Variants in ENPP3 observed in about 807,000 individuals in gnomAD.
ENPP3 encodes ectonucleotide pyrophosphatase/phosphodiesterase family member 3.
Under a neutral mutation model 117.8 loss-of-function variants are expected in ENPP3, and 104 were observed. That is an observed-to-expected ratio of 0.88 (90% CI 0.75 to 1.04). ENPP3 has a LOEUF of 1.04. ENPP3 is among the 50% of genes least tolerant of loss of function. The pLI is 0.00. For missense variants in ENPP3, 1,026 were observed against 1,051.9 expected (o/e 0.98, Z 0.34); for synonymous variants, 380 against 349.9 (o/e 1.09, Z -0.96).
chr6:131,744,755 GTATTTTGGGGATATA>G (rs1780597157), intron 24 of ENPP3, among the ~76,000 whole-genome samples: 1 of 151,250 alleles, frequency 6.6e-6, no homozygotes, highest in South Asian at 2.1e-4. Context: ...AAAATGAGTT[GTATTTTGGGGATATA>G]CAATACTCTT....
At chr6:131,649,696 T>C (rs1050395167) in intron 2 of ENPP3, among the ~76,000 whole-genome samples, 1 of 152,074 alleles carries the variant, frequency 6.6e-6, no homozygotes, top group Admixed American at 6.6e-5. Flanking sequence ...GCTAGGACCA[T>C]AGGCGTGCAC....
intron 2 of ENPP3, among the ~76,000 whole-genome samples, chr6:131,642,231 C>T (rs1022127234): frequency 3.9e-5 from 6 of 152,054 alleles, no homozygotes; most frequent in African/African-American, 1.4e-4. Flanking sequence ...TTCCCATGAC[C>T]TCCTGCCACC....
At chr6:131,662,483 C>T (rs993220483) in intron 6 of ENPP3, among the ~76,000 whole-genome samples, 1 of 152,152 alleles carries the variant, frequency 6.6e-6, no homozygotes, top group African/African-American at 2.4e-5. Flanking sequence ...CTCAAGCTTG[C>T]CTTGGCCTCT....
chr6:131,733,385 C>T (rs1350422718), intron 20 of ENPP3, among the ~76,000 whole-genome samples: 2 of 152,098 alleles, frequency 1.3e-5, no homozygotes, highest in African/African-American at 4.8e-5. Flanking sequence ...ATTTGATTTG[C>T]CCTCCCGATG....
At chr6:131,658,080 G>C (rs1260052164) in intron 5 of ENPP3, among the ~76,000 whole-genome samples, 1 of 151,670 alleles carries the variant, frequency 6.6e-6, no homozygotes, top group Admixed American at 6.6e-5. Context: ...CTTGAACCCA[G>C]GAGGTGGAGG....
chr6:131,745,311 G>T (rs1454327453), intron 24 of ENPP3, among the ~76,000 whole-genome samples: 1 of 151,632 alleles, frequency 6.6e-6, no homozygotes, highest in East Asian at 1.9e-4. Context: ...TGACACAAGT[G>T]CTTTAATGGT....
At chr6:131,719,173 G>C (rs1283663888) in intron 16 of ENPP3, among the ~76,000 whole-genome samples, 2 of 152,024 alleles carry the variant, frequency 1.3e-5, no homozygotes, top group Non-Finnish European at 2.9e-5. Context: ...GAAAGAGTAA[G>C]AGTCATTGAG....
At chr6:131,699,301 G>A (rs1387363266) in intron 15 of ENPP3, among the ~76,000 whole-genome samples, 3 of 142,638 alleles carry the variant, frequency 2.1e-5, no homozygotes, top group Non-Finnish European at 3.0e-5. Flanking sequence ...AACATGATAT[G>A]ACACTGAGTT....
At chr6:131,710,659 G>T (rs772311871) in intron 15 of ENPP3, 4 of 1,611,958 alleles carry the variant, frequency 2.5e-6, no homozygotes, top group East Asian at 4.5e-5. Flanking sequence ...TTCTGCTGCC[G>T]CCTTCTCAAA....
chr6:131,706,656 C>T (rs1236888147), intron 15 of ENPP3, among the ~76,000 whole-genome samples: 1 of 149,172 alleles, frequency 6.7e-6, no homozygotes, highest in Non-Finnish European at 1.5e-5. Context: ...GAATGGATAT[C>T]GAAATGTGTT....
At chr6:131,726,330 C>T in intron 20 of ENPP3, 130 bp downstream of exon 20, 4 of 720,120 alleles carry the variant, frequency 5.6e-6, no homozygotes, top group East Asian at 2.6e-5. Flanking sequence ...GCTTGCAAGA[C>T]AATGTGCAAG....
At chr6:131,729,097 T>A (rs549631797) in intron 20 of ENPP3, among the ~76,000 whole-genome samples, 80 of 151,140 alleles carry the variant, frequency 5.3e-4, no homozygotes, top group South Asian at 2.3e-3. Flanking sequence ...TATCTATAGC[T>A]ATATGTCTAT....
chr6:131,681,085 C>T (rs547752282), intron 11 of ENPP3, among the ~76,000 whole-genome samples: 3 of 152,162 alleles, frequency 2.0e-5, no homozygotes, highest in Non-Finnish European at 2.9e-5. Flanking sequence ...GTAAAAGGAA[C>T]GTTATGTCAT....
At chr6:131,716,576 A>C (rs1222821104) in intron 15 of ENPP3, among the ~76,000 whole-genome samples, 1 of 151,096 alleles carries the variant, frequency 6.6e-6, no homozygotes, top group Non-Finnish European at 1.5e-5. Flanking sequence ...CTTTCCACAC[A>C]GAATTTAAAA....
intron 23 of ENPP3, among the ~76,000 whole-genome samples, chr6:131,739,809 G>A (rs552500153): frequency 1.3e-5 from 2 of 150,780 alleles, no homozygotes; most frequent in Admixed American, 1.3e-4. Context: ...AGTGGCTCAC[G>A]CCTGTCATGC....
In ENPP3 at chr6:131,747,247, C is replaced by G. The variant is rs541852574; in HGVS notation, c.*291C>G. On this transcript the variant is annotated 3_prime_UTR_variant, in exon 25 of 25. Coordinates refer to ENST00000357639, the MANE Select transcript of ENPP3 (RefSeq NM_005021.5). Reference sequence around the variant, plus strand: ...ATACCTTCCTTATTACTTGTTTTATCTTACTCAGAATCTTTGAATATATTT... The same window carrying G: ...ATACCTTCCTTATTACTTGTTTTATGTTACTCAGAATCTTTGAATATATTT... 1.1e-4 allele frequency: 19 copies of G among 177,090 alleles called. No individual in the cohort carries two copies. Among genetic ancestry groups the G allele is most frequent in the African/African-American group, 4.5e-4 (19 of 42,528 alleles). 11.0% of individuals were successfully genotyped at this position (177,090 alleles called of 1,614,324 possible). A position where few individuals can be genotyped will look rare whatever the true frequency, so the allele number is the denominator to read the frequency against.
intron 8 of ENPP3, among the ~76,000 whole-genome samples, chr6:131,674,806 G>A (rs959323301): frequency 6.6e-6 from 1 of 151,864 alleles, no homozygotes; most frequent in South Asian, 2.1e-4. Context: ...TCCTGACCTC[G>A]TGATCCTCCT....
chr6:131,715,107 A>G (rs1226888166), intron 15 of ENPP3, among the ~76,000 whole-genome samples: 1 of 148,258 alleles, frequency 6.7e-6, no homozygotes, highest in African/African-American at 2.5e-5. Context: ...AAACATCTCA[A>G]CAGTAGGCAC....
At chr6:131,687,361 C>T in intron 14 of ENPP3, among the ~76,000 whole-genome samples, 1 of 152,122 alleles carries the variant, frequency 6.6e-6, no homozygotes, top group Middle Eastern at 3.2e-3. Context: ...TAAAAATTAA[C>T]TCAAAATGGA....
Sources: allele counts gnomAD v4.1 joint callset (sites outside exome capture counted in the v4.1 genomes callset), GRCh38; gene constraint gnomAD v4.1.1; transcripts MANE v1.5; gene names NCBI Gene and HGNC (gene_info 2026-07-23, HGNC 2026-07-21).